Variants in ADAM18 observed in about 807,000 individuals in gnomAD.
The protein encoded by ADAM18 is ADAM metallopeptidase domain 18.
In ADAM18, 117 loss-of-function variants were observed where a neutral mutation model predicts 94.4. The observed-to-expected ratio is 1.24, with a 90% CI of 1.07 to 1.45. ADAM18 has a LOEUF of 1.45. Among genes scored for constraint, ADAM18 ranks in the 40% most tolerant of loss-of-function variants. The probability of loss-of-function intolerance (pLI) is 0.00; values close to 1 mark genes in which losing one functional copy is unlikely to be tolerated. For missense variants in ADAM18, 936 were observed against 880.0 expected (o/e 1.06, Z -0.81); for synonymous variants, 327 against 291.6 (o/e 1.12, Z -1.24).
chr8:39,670,031 A>T (rs1821110243), intron 14 of ADAM18, among the ~76,000 whole-genome samples: 1 of 152,154 alleles, frequency 6.6e-6, no homozygotes, highest in Admixed American at 6.5e-5. Flanking sequence ...ATGGTATCTC[A>T]TTGTGGGTTT....
At chr8:39,628,020 A>G (rs911121215) in intron 6 of ADAM18, among the ~76,000 whole-genome samples, 1 of 152,148 alleles carries the variant, frequency 6.6e-6, no homozygotes, top group African/African-American at 2.4e-5. Flanking sequence ...TATTCTTTAT[A>G]AAGAGACTAA....
At chr8:39,716,132 T>C (rs1308780211) in intron 18 of ADAM18, among the ~76,000 whole-genome samples, 1 of 151,522 alleles carries the variant, frequency 6.6e-6, no homozygotes, top group African/African-American at 2.4e-5. Flanking sequence ...TTGTTTGCCA[T>C]TTTAAAAACA....
At position 39,645,315 on chromosome 8, in the gene ADAM18, C is replaced by A. The variant is rs776276658; in HGVS notation, c.910-23C>A. The A allele has an allele frequency of 6.4e-6, 10 of 1,569,780 alleles. No homozygotes were observed. The African/African-American group carries it at 9.6e-5, about 15-fold the overall frequency. On this transcript the variant is annotated intron_variant, in intron 10 of 19. Transcript: ENST00000265707. The stretch of plus-strand genomic sequence containing the variant: ...TTTTATTTTCACACATAATAATTTT[C>A]TTTTTCATGTCTTTTATTTTAGTAT...
chr8:39,695,201 T>A (rs1821889195), intron 17 of ADAM18, among the ~76,000 whole-genome samples: 1 of 151,658 alleles, frequency 6.6e-6, no homozygotes. Context: ...AACACTCATT[T>A]ACAGGTTTTG....
At chr8:39,716,227 C>A (rs1359640230) in intron 18 of ADAM18, among the ~76,000 whole-genome samples, 1 of 150,888 alleles carries the variant, frequency 6.6e-6, no homozygotes, top group Non-Finnish European at 1.5e-5. Flanking sequence ...TATTTTTTTT[C>A]TGCTAATTTT....
chr8:39,624,172 A>G (rs1215901947), intron 6 of ADAM18, among the ~76,000 whole-genome samples: 1 of 151,534 alleles, frequency 6.6e-6, no homozygotes, highest in Non-Finnish European at 1.5e-5. Context: ...TGTCCCATTT[A>G]TTTATCTTTG....
At chr8:39,726,376 C>G (rs952670069) in intron 19 of ADAM18, among the ~76,000 whole-genome samples, 3 of 151,922 alleles carry the variant, frequency 2.0e-5, no homozygotes, top group Non-Finnish European at 4.4e-5. Context: ...GTCCTCCCGC[C>G]TCAGCCTCTC....
chr8:39,658,093 G>C (rs1286078576), intron 12 of ADAM18, among the ~76,000 whole-genome samples: 2 of 152,166 alleles, frequency 1.3e-5, no homozygotes, highest in Non-Finnish European at 2.9e-5. Context: ...CACTCCTGCT[G>C]ATGCAAATTA....
At chr8:39,719,855 A>G (rs1269842648) in intron 18 of ADAM18, among the ~76,000 whole-genome samples, 2 of 151,468 alleles carry the variant, frequency 1.3e-5, no homozygotes, top group East Asian at 3.9e-4. Flanking sequence ...AGAGATTCTT[A>G]AGGAGGTAAA....
intron 19 of ADAM18, among the ~76,000 whole-genome samples, chr8:39,726,294 G>GTA (rs1389461341): frequency 2.7e-5 from 4 of 149,264 alleles, no homozygotes; most frequent in Non-Finnish European, 5.9e-5. Context: ...GTGTGTGTGT[G>GTA]TATATATATA....
At chr8:39,665,877 T>C (rs1201772809) in intron 13 of ADAM18, among the ~76,000 whole-genome samples, 3 of 152,104 alleles carry the variant, frequency 2.0e-5, no homozygotes, top group Non-Finnish European at 4.4e-5. Flanking sequence ...TTAGAGTAAA[T>C]AAAAGAAGAA....
chr8:39,697,413 T>C (rs999011997), intron 17 of ADAM18, among the ~76,000 whole-genome samples: 1 of 151,758 alleles, frequency 6.6e-6, no homozygotes, highest in African/African-American at 2.4e-5. Flanking sequence ...TAAATTTTTG[T>C]ATGTTGTGTT....
intron 12 of ADAM18, among the ~76,000 whole-genome samples, chr8:39,657,631 G>T (rs1386958329): frequency 6.6e-6 from 1 of 152,012 alleles, no homozygotes; most frequent in Non-Finnish European, 1.5e-5. Context: ...ACTAAAAAGG[G>T]GTTAAAGGGA....
At position 39,632,278 on chromosome 8, in the gene ADAM18, T is replaced by C. The variant is rs113695024; in HGVS notation, c.588+2839T>C. ...TGCAGTACAATGTTAAATAGACTGA[T>C]GTGTATATTCCTAAATTTTCCCCTA... On this transcript the variant is annotated intron_variant, in intron 7 of 19. Coordinates refer to ENST00000265707, the MANE Select transcript of ADAM18 (RefSeq NM_014237.3). Among the ~76,000 whole-genome samples the C allele has an allele frequency of 4.6e-5, 7 of 152,180 alleles. 1 individual carries two copies. The highest frequency in any genetic ancestry group is 1.7e-4 in the African/African-American group (7 of 41,570).
chr8:39,658,908 A>G (rs554789775), intron 12 of ADAM18, among the ~76,000 whole-genome samples: 1 of 152,250 alleles, frequency 6.6e-6, no homozygotes, highest in East Asian at 1.9e-4. Flanking sequence ...TTCTTATTTG[A>G]GTTGTGGAGA....
Position 39,584,654 on chromosome 8 carries a change from T to C in ADAM18, c.32T>C (p.Leu11Pro). The C allele has an allele frequency of 1.2e-6, 2 of 1,613,472 alleles. No homozygotes were observed. Among genetic ancestry groups the C allele is most frequent in the Non-Finnish European group, 1.7e-6 (2 of 1,180,032 alleles). ...CTTCTCCTCGCCCTCCTCACTGAGC[T>C]TGGAAGACTGCAAGCCCACGAAGGT... Reference protein sequence around the residue: MFLLLALLTELGRLQAHEGSE... With the variant: MFLLLALLTEPGRLQAHEGSE... The change falls in exon 1 of 20, where the codon CTT (leucine) becomes CCT (proline). Residue 11 changes from leucine (L) to proline (P), a missense_variant. By Grantham distance (98) the Leu-to-Pro change is moderately conservative (BLOSUM62 -3). Transcript: ENST00000265707.
intron 18 of ADAM18, among the ~76,000 whole-genome samples, chr8:39,721,018 AG>A (rs1278505050): frequency 6.6e-6 from 1 of 151,598 alleles, no homozygotes; most frequent in Non-Finnish European, 1.5e-5. Context: ...TTCTATGCAA[AG>A]GTATAGTATG....
At position 39,702,780 on chromosome 8, in the gene ADAM18, G is replaced by C. The variant is rs137922404; in HGVS notation, c.1903-4010G>C. Reference sequence around the variant, plus strand: ...GTTTGTTTCTGTCAAGTCTGTTGAAGATTAGATAGTTGTCGGTGTGTGATC... The same window carrying C: ...GTTTGTTTCTGTCAAGTCTGTTGAACATTAGATAGTTGTCGGTGTGTGATC... On this transcript the variant is annotated intron_variant, in intron 17 of 19. Coordinates refer to ENST00000265707, the MANE Select transcript of ADAM18 (RefSeq NM_014237.3). Among the ~76,000 whole-genome samples the C allele has an allele frequency of 6.1e-4, 93 of 152,308 alleles. 2 individuals are homozygous for C. In the East Asian group the frequency reaches 0.017, roughly 27 times the overall value.
At chr8:39,660,103 T>C (rs201810115) in intron 12 of ADAM18, among the ~76,000 whole-genome samples, 1 of 151,426 alleles carries the variant, frequency 6.6e-6, no homozygotes, top group Non-Finnish European at 1.5e-5. Flanking sequence ...CTATGGCAGG[T>C]GCACAAATGA....
Sources: gnomAD v4.1 joint callset for allele counts (sites outside exome capture counted in the v4.1 genomes callset) on GRCh38, gnomAD v4.1.1 for gene constraint, MANE v1.5 for transcripts, NCBI Gene and HGNC (gene_info 2026-07-23, HGNC 2026-07-21) for gene names.